The following AFAP1 variants were observed in gnomAD, a reference collection of about 807,000 sequenced individuals.
AFAP1 encodes actin filament associated protein 1.
In AFAP1, 75 loss-of-function variants were observed where a neutral mutation model predicts 93.9. That is an observed-to-expected ratio of 0.80 (90% CI 0.66 to 0.97). AFAP1 has a LOEUF of 0.97. AFAP1 is among the 50% of genes least tolerant of loss of function. AFAP1 has a pLI of 0.00. For synonymous variants in AFAP1, 517 were observed against 430.7 expected (o/e 1.20, Z -2.48); for missense variants, 1,201 against 1,050.8 (o/e 1.14, Z -1.98).
At chr4:7,836,164 A>G (rs1712272726) in intron 6 of AFAP1, among the ~76,000 whole-genome samples, 1 of 152,220 alleles carries the variant, frequency 6.6e-6, no homozygotes. Flanking sequence ...CTCAGAATAA[A>G]ATACACATGT....
chr4:7,796,762 A>AAC (rs1553830219), intron 10 of AFAP1, among the ~76,000 whole-genome samples: 7 of 103,510 alleles, frequency 6.8e-5, no homozygotes, highest in African/African-American at 2.5e-4. Flanking sequence ...AAAAAAAAAA[A>AAC]CAAAAAAAAA....
intron 1 of AFAP1, among the ~76,000 whole-genome samples, chr4:7,927,046 C>T (rs934445953): frequency 3.3e-5 from 5 of 152,226 alleles, no homozygotes; most frequent in African/African-American, 9.6e-5. Flanking sequence ...GGCAAAATGA[C>T]TCCCTTCCAC....
intron 1 of AFAP1, 77 bp from the exon 2 acceptor site, chr4:7,872,157 G>A (rs1717112730): frequency 6.5e-6 from 10 of 1,540,842 alleles, no homozygotes; most frequent in Middle Eastern, 1.7e-4. Flanking sequence ...AGTCTTACTC[G>A]AAGCATTTCA....
At chr4:7,814,280 AG>A (rs1379727029) in intron 8 of AFAP1, among the ~76,000 whole-genome samples, 14 of 152,238 alleles carry the variant, frequency 9.2e-5, no homozygotes, top group Admixed American at 9.2e-4. Flanking sequence ...CAACATTGTT[AG>A]TTATTAGGGA....
intron 9 of AFAP1, among the ~76,000 whole-genome samples, chr4:7,801,937 A>AC (rs1349142259): frequency 6.6e-6 from 1 of 151,256 alleles, no homozygotes; most frequent in Admixed American, 6.6e-5. Flanking sequence ...AAAAAAAAAA[A>AC]AAAAACTAAT....
At chr4:7,855,422 G>C in intron 4 of AFAP1, 44 bp downstream of exon 4, 1 of 1,444,918 alleles carries the variant, frequency 6.9e-7, no homozygotes, top group Non-Finnish European at 9.5e-7. Flanking sequence ...CAACAGTCCT[G>C]CCAATCACAA....
At chr4:7,907,073 A>C (rs1719453413) in intron 1 of AFAP1, among the ~76,000 whole-genome samples, 1 of 152,216 alleles carries the variant, frequency 6.6e-6, no homozygotes, top group Non-Finnish European at 1.5e-5. Flanking sequence ...ACACAGAGAA[A>C]TGCTACAACG....
At chr4:7,793,890 G>C in intron 10 of AFAP1, 64 bp from the exon 11 acceptor site, 1 of 1,406,586 alleles carries the variant, frequency 7.1e-7, no homozygotes, top group Non-Finnish European at 9.5e-7. Context: ...TCATAAATGT[G>C]TCAATAAAGA....
intron 1 of AFAP1, among the ~76,000 whole-genome samples, chr4:7,877,841 T>C (rs907020798): frequency 6.6e-5 from 10 of 152,216 alleles, no homozygotes; most frequent in Non-Finnish European, 8.8e-5. Context: ...AATGTCAACA[T>C]AGACTACAGA....
intron 6 of AFAP1, among the ~76,000 whole-genome samples, chr4:7,837,370 T>C (rs1295975573): frequency 6.6e-6 from 1 of 152,086 alleles, no homozygotes; most frequent in African/African-American, 2.4e-5. Context: ...ATGGGATTGG[T>C]ACCCTTATAA....
chr4:7,926,329 T>G (rs1034485536), intron 1 of AFAP1, among the ~76,000 whole-genome samples: 1 of 152,220 alleles, frequency 6.6e-6, no homozygotes, highest in Non-Finnish European at 1.5e-5. Flanking sequence ...AACAAAACTT[T>G]AATCCGTAAC....
At chr4:7,937,129 T>G (rs1420307738) in intron 1 of AFAP1, among the ~76,000 whole-genome samples, 1 of 152,148 alleles carries the variant, frequency 6.6e-6, no homozygotes, top group Admixed American at 6.5e-5. Flanking sequence ...CATAAAACAA[T>G]TATGAAGAAT....
chr4:7,897,334 G>A (rs184751345), intron 1 of AFAP1, among the ~76,000 whole-genome samples: 1 of 152,172 alleles, frequency 6.6e-6, no homozygotes, highest in African/African-American at 2.4e-5. Flanking sequence ...TGTAAGAACT[G>A]TAGGCTCAAT....
intron 9 of AFAP1, among the ~76,000 whole-genome samples, chr4:7,805,401 C>T (rs1719417154): frequency 6.6e-6 from 1 of 152,188 alleles, no homozygotes; most frequent in South Asian, 2.1e-4. Context: ...CTCTCAGTCT[C>T]TCCGTTTCTC....
intron 9 of AFAP1, among the ~76,000 whole-genome samples, chr4:7,809,270 G>A (rs113462604): frequency 0.015 from 2,232 of 150,076 alleles, 43 homozygotes; most frequent in South Asian, 0.066. Flanking sequence ...CCTTAGTTCT[G>A]TAAAGGTTTT....
chr4:7,890,900 A>C (rs973078076), intron 1 of AFAP1, among the ~76,000 whole-genome samples: 2 of 152,204 alleles, frequency 1.3e-5, no homozygotes, highest in Non-Finnish European at 2.9e-5. Flanking sequence ...CATGAGATCC[A>C]GTAATGCCAC....
intron 9 of AFAP1, 182 bp downstream of exon 9, chr4:7,809,432 G>T: frequency 3.2e-6 from 2 of 631,702 alleles, no homozygotes; most frequent in Non-Finnish European, 2.4e-6. Context: ...GCAAAGTCTT[G>T]TATGAATAAG....
chr4:7,777,980 G>C lies in AFAP1; in HGVS notation c.1897+782C>G, dbSNP rs192127912. On this transcript the variant is annotated intron_variant, in intron 14 of 17. Transcript: ENST00000420658. ...AAGAGATGACATATCGCCCTAGCTG[G>C]ATCTACTACAGGGAAGGGAAGAGGG... 5 of 152,648 alleles carry C rather than the reference G, an allele frequency of 3.3e-5. No individual in the cohort carries two copies. In the East Asian group the frequency reaches 9.6e-4, roughly 29 times the overall value. The allele number at this position is 152,648 out of a possible 1,614,324, so 9.5% of individuals were successfully genotyped here.
chr4:7,828,247 G>T (rs762518034), intron 6 of AFAP1, among the ~76,000 whole-genome samples: 1 of 152,092 alleles, frequency 6.6e-6, no homozygotes, highest in African/African-American at 2.4e-5. Flanking sequence ...CTATAGCGTC[G>T]CCCCCACGCC....
Sources: allele counts gnomAD v4.1 joint callset (sites outside exome capture counted in the v4.1 genomes callset), GRCh38; gene constraint gnomAD v4.1.1; transcripts MANE v1.5; gene names NCBI Gene and HGNC (gene_info 2026-07-23, HGNC 2026-07-21).